Variants in SEMA5A observed in about 807,000 individuals in gnomAD.
The protein encoded by SEMA5A is semaphorin 5A.
A neutral mutation model predicts 135.5 loss-of-function variants in SEMA5A; 55 were observed. The ratio of observed to expected loss-of-function variants is 0.41; its 90% CI spans 0.33 to 0.51. The LOEUF (loss-of-function observed/expected upper bound fraction) is 0.51, where lower values mean the gene tolerates loss of function less well. Ranked by LOEUF, SEMA5A falls within the 20% of genes least tolerant of loss-of-function variation. SEMA5A has a pLI of 0.37. For synonymous variants in SEMA5A, 580 were observed against 546.5 expected, an observed-to-expected ratio of 1.06 and a Z score of -0.85; for missense variants, 1,290 against 1,419.9, an observed-to-expected ratio of 0.91 and a Z score of 1.47.
intron 16 of SEMA5A, among the ~76,000 whole-genome samples, chr5:9,086,656 C>T (rs1383763336): frequency 1.3e-5 from 2 of 152,104 alleles, no homozygotes; most frequent in African/African-American, 2.4e-5. Flanking sequence ...ATATACCTAC[C>T]AAAGCCTGGA....
chr5:9,126,226 C>A (rs568060769), intron 13 of SEMA5A, among the ~76,000 whole-genome samples: 33 of 152,200 alleles, frequency 2.2e-4, no homozygotes, highest in Admixed American at 2.0e-3. Flanking sequence ...CCATCCTAAG[C>A]CTGCAGGTGG....
In SEMA5A at chr5:9,226,971, A is replaced by G. The variant is rs748056547; in HGVS notation, c.334-4T>C. 1 of 1,470,632 alleles carries G rather than the reference A, an allele frequency of 6.8e-7. No homozygotes were observed. Among genetic ancestry groups the G allele is most frequent in the East Asian group, 2.5e-5 (1 of 39,630 alleles). 91.1% of individuals were successfully genotyped at this position (1,470,632 alleles called of 1,614,324 possible). A position where few individuals can be genotyped will look rare whatever the true frequency, so the allele number is the denominator to read the frequency against. On this transcript the variant is annotated splice_polypyrimidine_tract_variant and splice_region_variant and intron_variant, in intron 6 of 22. Transcript: ENST00000382496. ...GGATGTAGTTCTGACATTCCTCCTG[A>G]GGGAAAATAAATAAATTAATTAAAA...
intron 14 of SEMA5A, among the ~76,000 whole-genome samples, chr5:9,120,942 C>T (rs919950043): frequency 2.0e-5 from 3 of 152,020 alleles, no homozygotes; most frequent in African/African-American, 4.8e-5. Context: ...CCATGCCCAG[C>T]GAATTTTGTA....
intron 1 of SEMA5A, among the ~76,000 whole-genome samples, chr5:9,514,553 C>G (rs1039370085): frequency 2.0e-4 from 30 of 152,204 alleles, no homozygotes; most frequent in Non-Finnish European, 7.3e-5. Context: ...TCCATATAAC[C>G]TATGCATATC....
rs114444293 is a variant in SEMA5A at position 9,134,114 on chromosome 5, C to A, written c.1599+2390G>T. Among the ~76,000 whole-genome samples, 838 of 152,248 alleles carry A rather than the reference C, an allele frequency of 5.5e-3. 7 individuals are homozygous for A. The highest frequency in any genetic ancestry group is 9.2e-3 in the Admixed American group (141 of 15,286). On this transcript the variant is annotated intron_variant, in intron 13 of 22. Transcript: ENST00000382496. Reference sequence around the variant, plus strand: ...GTTTTCTGAGGCCTCTTCAGCCATGCAGAACTGTAAGTCAATTAAATCTCT... The same window carrying A: ...GTTTTCTGAGGCCTCTTCAGCCATGAAGAACTGTAAGTCAATTAAATCTCT...
chr5:9,087,990 A>C (rs1261670952), intron 16 of SEMA5A, among the ~76,000 whole-genome samples: 1 of 152,236 alleles, frequency 6.6e-6, no homozygotes, highest in Non-Finnish European at 1.5e-5. Flanking sequence ...CTGCTCTTTC[A>C]AAATATGAAG....
intron 1 of SEMA5A, among the ~76,000 whole-genome samples, chr5:9,471,269 C>T (rs1443394856): frequency 6.6e-6 from 1 of 152,156 alleles, no homozygotes; most frequent in Non-Finnish European, 1.5e-5. Context: ...GGGCTGATGT[C>T]TCAGTTCCTA....
At chr5:9,067,810 C>T (rs1325200220) in intron 16 of SEMA5A, among the ~76,000 whole-genome samples, 3 of 152,108 alleles carry the variant, frequency 2.0e-5, no homozygotes, top group Non-Finnish European at 4.4e-5. Flanking sequence ...CTCATTTATC[C>T]ATTTTCACGT....
In SEMA5A at chr5:9,040,411, C is replaced by T. The variant is rs1419646375; in HGVS notation, c.*2486G>A. ...AAAGTCCAACATGTGAGGGTTCACG[C>T]GATAAGCGTGGAGTACAGAGCCAGA... is the stretch of plus-strand genomic sequence containing the variant. On this transcript the variant is annotated 3_prime_UTR_variant, in exon 23 of 23. Coordinates refer to ENST00000382496, the MANE Select transcript of SEMA5A (RefSeq NM_003966.3). 5.3e-5 allele frequency: 8 copies of T among 152,194 alleles called. No homozygotes were observed. The highest frequency in any genetic ancestry group is 1.0e-4 in the Non-Finnish European group (7 of 68,062). 9.4% of individuals were successfully genotyped at this position (152,194 alleles called of 1,614,324 possible). A position where few individuals can be genotyped will look rare whatever the true frequency, so the allele number is the denominator to read the frequency against.
chr5:9,068,421 G>A (rs759146393), intron 16 of SEMA5A, among the ~76,000 whole-genome samples: 16 of 152,160 alleles, frequency 1.1e-4, no homozygotes, highest in Admixed American at 2.0e-4. Context: ...GCTGAGCCAT[G>A]GAGGATCTGG....
At chr5:9,184,767 C>A (rs62340976) in intron 11 of SEMA5A, among the ~76,000 whole-genome samples, 1 of 152,086 alleles carries the variant, frequency 6.6e-6, no homozygotes, top group Non-Finnish European at 1.5e-5. Flanking sequence ...ACATTTCTCT[C>A]CCTTTTTTTT....
At chr5:9,307,421 A>G (rs1255760224) in intron 5 of SEMA5A, among the ~76,000 whole-genome samples, 2 of 152,084 alleles carry the variant, frequency 1.3e-5, no homozygotes, top group African/African-American at 2.4e-5. Flanking sequence ...AATGGCTTAC[A>G]TGTTAAAGAG....
intron 15 of SEMA5A, among the ~76,000 whole-genome samples, chr5:9,110,208 T>C (rs1740163873): frequency 6.6e-6 from 1 of 152,190 alleles, no homozygotes; most frequent in Non-Finnish European, 1.5e-5. Flanking sequence ...TGGAACTTTA[T>C]GAGAAATCAG....
At chr5:9,536,439 C>G (rs555712736) in intron 1 of SEMA5A, among the ~76,000 whole-genome samples, 4 of 151,984 alleles carry the variant, frequency 2.6e-5, no homozygotes, top group Non-Finnish European at 5.9e-5. Flanking sequence ...ATGGTGAAAC[C>G]CTGTCTCTAC....
intron 5 of SEMA5A, among the ~76,000 whole-genome samples, chr5:9,258,400 G>T (rs1240654420): frequency 6.6e-6 from 1 of 152,220 alleles, no homozygotes; most frequent in African/African-American, 2.4e-5. Flanking sequence ...AACCAGGCGT[G>T]CTGTCTTTCA....
intron 15 of SEMA5A, among the ~76,000 whole-genome samples, chr5:9,111,181 A>G (rs1740221026): frequency 6.6e-6 from 1 of 152,160 alleles, no homozygotes; most frequent in South Asian, 2.1e-4. Context: ...GTAGAAGGAG[A>G]AGTAGGCTAT....
intron 5 of SEMA5A, among the ~76,000 whole-genome samples, chr5:9,251,661 G>C (rs537318462): frequency 2.4e-4 from 37 of 152,312 alleles, no homozygotes; most frequent in African/African-American, 8.2e-4. Context: ...ATGTTTCCAA[G>C]TGTAACTATA....
intron 1 of SEMA5A, among the ~76,000 whole-genome samples, chr5:9,443,870 CA>C (rs1292670188): frequency 6.6e-6 from 1 of 152,210 alleles, no homozygotes; most frequent in African/African-American, 2.4e-5. Flanking sequence ...AAAGGAAAAG[CA>C]AAATGCACAA....
intron 1 of SEMA5A, among the ~76,000 whole-genome samples, chr5:9,462,723 G>C (rs1180399169): frequency 1.3e-5 from 2 of 152,088 alleles, no homozygotes; most frequent in Admixed American, 6.6e-5. Context: ...ACCAACACAG[G>C]AATAGAAAAC....
Sources: allele counts gnomAD v4.1 joint callset (sites outside exome capture counted in the v4.1 genomes callset), GRCh38; gene constraint gnomAD v4.1.1; transcripts MANE v1.5; gene names NCBI Gene and HGNC (gene_info 2026-07-23, HGNC 2026-07-21).